Variants in MEMO1 observed in about 807,000 individuals in gnomAD.
MEMO1 encodes the protein mediator of cell motility 1.
MEMO1 carries 6 observed loss-of-function variants against 45.2 expected under a neutral mutation model. That is an observed-to-expected ratio of 0.13 (90% confidence interval 0.07 to 0.26). The LOEUF is 0.26. Among genes scored for constraint, MEMO1 ranks in the 10% least tolerant of loss-of-function variants. The probability of loss-of-function intolerance (pLI) is 1.00; values close to 1 mark genes in which losing one functional copy is unlikely to be tolerated. For synonymous variants in MEMO1, 78 were observed against 124.3 expected, an observed-to-expected ratio of 0.63 and a Z score of 2.48; for missense variants, 184 against 370.5, an observed-to-expected ratio of 0.50 and a Z score of 4.13.
At chr2:31,939,716 A>G (rs1665386716) in intron 3 of MEMO1, among the ~76,000 whole-genome samples, 1 of 152,144 alleles carries the variant, frequency 6.6e-6, no homozygotes, top group Non-Finnish European at 1.5e-5. Flanking sequence ...GTCCCCTCTT[A>G]TCCCTGCATC....
At chr2:31,868,955 T>C (rs1265461755) in intron 9 of MEMO1, among the ~76,000 whole-genome samples, 2 of 152,194 alleles carry the variant, frequency 1.3e-5, no homozygotes, top group South Asian at 2.1e-4. Flanking sequence ...ATTTACTTTA[T>C]AATACAAATT....
At chr2:31,998,795 GT>G (rs1174585267) in intron 2 of MEMO1, among the ~76,000 whole-genome samples, 2 of 147,886 alleles carry the variant, frequency 1.4e-5, no homozygotes, top group East Asian at 4.0e-4. Flanking sequence ...GTGAGACTCC[GT>G]CTCAAAAAAA....
At chr2:31,890,871 T>G (rs958179859) in intron 7 of MEMO1, among the ~76,000 whole-genome samples, 7 of 152,158 alleles carry the variant, frequency 4.6e-5, no homozygotes, top group African/African-American at 1.7e-4. Flanking sequence ...TCTTCAGGAA[T>G]TATCAAATGC....
chr2:31,921,088 G>A (rs540415301), intron 4 of MEMO1, among the ~76,000 whole-genome samples, 178 bp from the exon 5 acceptor site: 1 of 152,282 alleles, frequency 6.6e-6, no homozygotes, highest in South Asian at 2.1e-4. Context: ...ATCCCCAGTA[G>A]CACAGACTGT....
rs1007407567 is a variant in MEMO1, at chr2:31,931,919, T to C, written c.212+148A>G. 3 of 582,582 alleles carry C rather than the reference T, an allele frequency of 5.1e-6. No individual in the cohort carries two copies. In the African/African-American group the frequency reaches 5.7e-5, roughly 11 times the overall value. The allele number at this position is 582,582 out of a possible 1,614,324, so 36.1% of individuals were successfully genotyped here. On this transcript the variant is annotated intron_variant, in intron 4 of 9. Transcript: ENST00000404530. ...AGAAGTATTGAAGTTTTCAGTAACC[T>C]ATACAAAGTATAGTAAAATTCATCA... is the stretch of plus-strand genomic sequence containing the variant.
intron 2 of MEMO1, among the ~76,000 whole-genome samples, chr2:31,955,053 C>A (rs1667253007): frequency 6.6e-6 from 1 of 151,978 alleles, no homozygotes; most frequent in Non-Finnish European, 1.5e-5. Flanking sequence ...CCAGCCTGGG[C>A]AACATGGTGA....
At chr2:31,934,257 C>G (rs561833391) in intron 3 of MEMO1, among the ~76,000 whole-genome samples, 2 of 152,252 alleles carry the variant, frequency 1.3e-5, no homozygotes, top group African/African-American at 4.8e-5. Context: ...TTTAGCTCCT[C>G]TTTGTCATTC....
At chr2:31,933,351 TTATATATA>T (rs370773425) in intron 3 of MEMO1, among the ~76,000 whole-genome samples, 7,870 of 45,054 alleles carry the variant, frequency 0.17, 1,024 homozygotes, top group East Asian at 0.41. Context: ...AAAAAAAAAT[TTATATATA>T]TATATATATA....
Position 31,892,246 on chromosome 2 carries a change from T to C in MEMO1, c.438-112A>G, listed in dbSNP as rs901541350. The C allele has an allele frequency of 8.0e-6, 7 of 875,696 alleles. No individual in the cohort carries two copies. The African/African-American group carries it at 1.2e-4, about 15-fold the overall frequency. 54.2% of individuals were successfully genotyped at this position (875,696 alleles called of 1,614,324 possible). A position where few individuals can be genotyped will look rare whatever the true frequency, so the allele number is the denominator to read the frequency against. On this transcript the variant is annotated intron_variant, in intron 6 of 9. Coordinates refer to ENST00000404530, the MANE Select transcript of MEMO1 (RefSeq NM_001301833.4). ...TGTATTAATAGTGGTAAGGATAACATATGTAATTATTATTGATGAATTCTT... is the reference window on the plus strand; with the variant it reads ...TGTATTAATAGTGGTAAGGATAACACATGTAATTATTATTGATGAATTCTT...
rs376717212 is a variant in MEMO1, at chr2:31,868,321, T to A, written c.*40A>T. 55 of 1,499,816 alleles carry A rather than the reference T, an allele frequency of 3.7e-5. No homozygotes were observed. Among genetic ancestry groups the A allele is most frequent in the Non-Finnish European group, 4.5e-5 (51 of 1,124,030 alleles). The allele number at this position is 1,499,816 out of a possible 1,614,324, so 92.9% of individuals were successfully genotyped here. On this transcript the variant is annotated 3_prime_UTR_variant, in exon 10 of 10. Coordinates refer to ENST00000404530, the MANE Select transcript of MEMO1 (RefSeq NM_001301833.4). ...GGCTAGGCTGGGACCCCGGACAGAG[T>A]ATGAGAATGTGCAGGTGGCATCCCT...
At chr2:31,873,727 T>G (rs1175181477) in intron 8 of MEMO1, among the ~76,000 whole-genome samples, 1 of 152,108 alleles carries the variant, frequency 6.6e-6, no homozygotes, top group Non-Finnish European at 1.5e-5. Flanking sequence ...ATCATTAGAT[T>G]TGTGGGTTTA....
intron 2 of MEMO1, among the ~76,000 whole-genome samples, chr2:32,004,092 G>T (rs976843459): frequency 2.6e-5 from 4 of 152,274 alleles, no homozygotes; most frequent in East Asian, 3.9e-4. Flanking sequence ...GAGGCAGGGG[G>T]ATCGCTTGAG....
At chr2:31,903,741 C>A (rs1679233993) in intron 6 of MEMO1, among the ~76,000 whole-genome samples, 1 of 151,896 alleles carries the variant, frequency 6.6e-6, no homozygotes. Flanking sequence ...TGCTCTAAAA[C>A]CAAAAATAAA....
At chr2:31,964,266 T>G (rs923840244) in intron 2 of MEMO1, among the ~76,000 whole-genome samples, 5 of 147,002 alleles carry the variant, frequency 3.4e-5, no homozygotes, top group African/African-American at 1.2e-4. Flanking sequence ...ACAAACACAG[T>G]TTTTTTTTTA....
chr2:32,001,066 T>G (rs67517941), intron 2 of MEMO1, among the ~76,000 whole-genome samples: 17,601 of 131,424 alleles, frequency 0.13, 1,206 homozygotes, highest in Middle Eastern at 0.26. Flanking sequence ...GAGACAGGAG[T>G]CTCGCTCTCT....
chr2:31,925,719 G>A (rs771677010), intron 4 of MEMO1, among the ~76,000 whole-genome samples: 11 of 152,090 alleles, frequency 7.2e-5, no homozygotes, highest in Admixed American at 2.6e-4. Context: ...TGAGGGGAGC[G>A]TAAAACCACT....
intron 2 of MEMO1, among the ~76,000 whole-genome samples, chr2:31,998,538 C>T (rs959479568): frequency 1.3e-5 from 2 of 152,074 alleles, no homozygotes; most frequent in Non-Finnish European, 2.9e-5. Context: ...CAGTGGCTCA[C>T]GCCTATAATC....
intron 6 of MEMO1, among the ~76,000 whole-genome samples, chr2:31,914,093 T>A (rs1237083709): frequency 6.6e-6 from 1 of 152,044 alleles, no homozygotes; most frequent in East Asian, 1.9e-4. Flanking sequence ...AGAACCAAGA[T>A]GAAAACTGAT....
chr2:31,991,199 A>G (rs1182775220), intron 2 of MEMO1, among the ~76,000 whole-genome samples: 2 of 152,232 alleles, frequency 1.3e-5, no homozygotes, highest in African/African-American at 4.8e-5. Context: ...TGATAAAAGC[A>G]ACCACCTATA....
Sources: gnomAD v4.1 joint callset for allele counts (sites outside exome capture counted in the v4.1 genomes callset) on GRCh38, gnomAD v4.1.1 for gene constraint, MANE v1.5 for transcripts, NCBI Gene and HGNC (gene_info 2026-07-23, HGNC 2026-07-21) for gene names.